Variants in PPP2R2B observed in about 807,000 individuals in gnomAD.
The protein encoded by PPP2R2B is serine/threonine-protein phosphatase 2A 55 kDa regulatory subunit B beta isoform.
In PPP2R2B, 5 loss-of-function variants were observed where a neutral mutation model predicts 46.0. The observed-to-expected ratio is 0.11, with a 90% CI of 0.06 to 0.23. The LOEUF is 0.23. Among genes scored for constraint, PPP2R2B ranks in the 10% least tolerant of loss-of-function variants. PPP2R2B has a pLI of 1.00. For synonymous variants in PPP2R2B, 215 were observed against 206.7 expected, an observed-to-expected ratio of 1.04 and a Z score of -0.34; for missense variants, 367 against 575.0, an observed-to-expected ratio of 0.64 and a Z score of 3.70.
At chr5:146,807,943 G>A (rs1757292163) in intron 2 of PPP2R2B, among the ~76,000 whole-genome samples, 1 of 151,620 alleles carries the variant, frequency 6.6e-6, no homozygotes, top group Non-Finnish European at 1.5e-5. Context: ...GAGATTACAT[G>A]TGCCTACCAC....
At chr5:146,834,036 A>G (rs249902) in intron 2 of PPP2R2B, among the ~76,000 whole-genome samples, 19,075 of 152,096 alleles carry the variant, frequency 0.13, 1,362 homozygotes, top group African/African-American at 0.19. Flanking sequence ...CTGCTTCTCC[A>G]ATTACATTAA....
chr5:146,666,084 G>A (rs1187047552), intron 5 of PPP2R2B, among the ~76,000 whole-genome samples: 1 of 152,210 alleles, frequency 6.6e-6, no homozygotes, highest in Non-Finnish European at 1.5e-5. Flanking sequence ...TAGAAACAAT[G>A]TGAATATCTA....
chr5:146,869,802 A>T (rs1273617965), intron 2 of PPP2R2B, among the ~76,000 whole-genome samples: 1 of 152,210 alleles, frequency 6.6e-6, no homozygotes, highest in Non-Finnish European at 1.5e-5. Context: ...GGAAATGTGA[A>T]TTATAATAAT....
intron 2 of PPP2R2B, among the ~76,000 whole-genome samples, chr5:146,714,104 G>T (rs1780352953): frequency 6.6e-6 from 1 of 151,778 alleles, no homozygotes; most frequent in Admixed American, 6.6e-5. Context: ...AAAATCCAGG[G>T]AAAAAAACAA....
At chr5:146,695,780 C>T (rs998035648) in intron 4 of PPP2R2B, among the ~76,000 whole-genome samples, 1 of 152,130 alleles carries the variant, frequency 6.6e-6, no homozygotes, top group East Asian at 1.9e-4. Flanking sequence ...TATCATCTAT[C>T]TTCATTTTCT....
At chr5:146,998,698 T>A (rs1459758259) in intron 1 of PPP2R2B, among the ~76,000 whole-genome samples, 1 of 152,160 alleles carries the variant, frequency 6.6e-6, no homozygotes, top group Non-Finnish European at 1.5e-5. Context: ...TTTTGAACTA[T>A]TTTTGTTTTA....
intron 2 of PPP2R2B, among the ~76,000 whole-genome samples, chr5:146,760,860 G>T (rs1323282029): frequency 2.0e-5 from 3 of 152,280 alleles, no homozygotes; most frequent in African/African-American, 7.2e-5. Context: ...CAAAGGATAT[G>T]AACAGACAGT....
At chr5:146,941,581 G>C (rs768287407) in intron 1 of PPP2R2B, among the ~76,000 whole-genome samples, 1 of 152,142 alleles carries the variant, frequency 6.6e-6, no homozygotes, top group Non-Finnish European at 1.5e-5. Flanking sequence ...TTAGGTTGGT[G>C]CAATTACTTT....
chr5:146,944,172 C>T (rs2151831101), intron 1 of PPP2R2B, among the ~76,000 whole-genome samples: 1 of 152,282 alleles, frequency 6.6e-6, no homozygotes, highest in African/African-American at 2.4e-5. Context: ...CATTACTGCT[C>T]CTAAGTGCAA....
At chr5:146,910,734 T>C (rs925529090) in intron 1 of PPP2R2B, among the ~76,000 whole-genome samples, 8 of 152,220 alleles carry the variant, frequency 5.3e-5, no homozygotes, top group Non-Finnish European at 1.2e-4. Context: ...ATGTTACCTA[T>C]AGTCTTTCAG....
At chr5:146,768,674 T>C (rs1754644665) in intron 2 of PPP2R2B, among the ~76,000 whole-genome samples, 1 of 152,188 alleles carries the variant, frequency 6.6e-6, no homozygotes, top group Admixed American at 6.6e-5. Context: ...CATCTGACGC[T>C]GGGCCCACAC....
chr5:146,715,276 T>C (rs943532927), intron 2 of PPP2R2B, among the ~76,000 whole-genome samples: 29 of 152,218 alleles, frequency 1.9e-4, no homozygotes, highest in African/African-American at 7.0e-4. Flanking sequence ...TGCACATTCC[T>C]TTCCTGCAGT....
intron 5 of PPP2R2B, among the ~76,000 whole-genome samples, chr5:146,687,736 G>A (rs1778599307): frequency 6.6e-6 from 1 of 152,126 alleles, no homozygotes; most frequent in African/African-American, 2.4e-5. Flanking sequence ...ATTTTGAAAG[G>A]CTATCTTCTA....
At chr5:146,661,241 C>T (rs1309784112) in intron 5 of PPP2R2B, among the ~76,000 whole-genome samples, 1 of 152,078 alleles carries the variant, frequency 6.6e-6, no homozygotes, top group Non-Finnish European at 1.5e-5. Context: ...AAGGTAGCTC[C>T]TCCTGAAACA....
At chr5:146,862,236 C>G (rs1309352502) in intron 2 of PPP2R2B, among the ~76,000 whole-genome samples, 1 of 152,178 alleles carries the variant, frequency 6.6e-6, no homozygotes, top group Non-Finnish European at 1.5e-5. Flanking sequence ...TAACTGGCTG[C>G]TCTCCTAACT....
chr5:146,878,751 T>TGCTGCTGCA lies in PPP2R2B; in HGVS notation c.-286_-285insTGCAGCAGC, dbSNP rs1762059232. The TGCTGCTGCA allele has an allele frequency of 7.5e-7, 1 of 1,335,918 alleles. No individual in the cohort carries two copies. The highest frequency in any genetic ancestry group is 9.9e-7 in the Non-Finnish European group (1 of 1,014,274). 82.8% of individuals were successfully genotyped at this position (1,335,918 alleles called of 1,614,324 possible). A position where few individuals can be genotyped will look rare whatever the true frequency, so the allele number is the denominator to read the frequency against. On this transcript the variant is annotated 5_prime_UTR_variant, in exon 1 of 10. Coordinates refer to ENST00000394411, the MANE Select transcript of PPP2R2B (RefSeq NM_181675.4). The surrounding 1 kb of genome is among the most constrained non-coding windows in gnomAD (Gnocchi z 4.5). Reference sequence around the variant, plus strand: ...CAGCTGCTGCTGCTGCTGCTGCTGCTGCTGCTGCAGGAGGCTGGAGGCGGC... The same window carrying TGCTGCTGCA: ...CAGCTGCTGCTGCTGCTGCTGCTGCTGCTGCTGCAGCTGCTGCAGGAGGCTGGAGGCGGC...
At position 146,691,016 on chromosome 5, in the gene PPP2R2B, A is replaced by G. The variant is rs904013618; in HGVS notation, c.447+112T>C. ...ACTGGGGTAGGCTGAGTCTCTGCCT[A>G]CGTTCCCTCACTGGCCCATTATAGT... On this transcript the variant is annotated intron_variant, in intron 5 of 9. Coordinates refer to ENST00000394411, the MANE Select transcript of PPP2R2B (RefSeq NM_181675.4). The G allele has an allele frequency of 6.0e-6, 5 of 829,664 alleles. No individual in the cohort carries two copies. The African/African-American group carries it at 8.5e-5, about 14-fold the overall frequency. 51.4% of individuals were successfully genotyped at this position (829,664 alleles called of 1,614,324 possible).
At chr5:146,944,299 T>C (rs1674908145) in intron 1 of PPP2R2B, among the ~76,000 whole-genome samples, 1 of 152,096 alleles carries the variant, frequency 6.6e-6, no homozygotes, top group South Asian at 2.1e-4. Context: ...GGAAACTATT[T>C]CATTAATTGA....
intron 5 of PPP2R2B, among the ~76,000 whole-genome samples, chr5:146,675,054 C>T (rs924119921): frequency 6.6e-6 from 1 of 152,164 alleles, no homozygotes; most frequent in Non-Finnish European, 1.5e-5. Flanking sequence ...CCTCCACCTC[C>T]TGGGTTCAAG....
Sources: gnomAD v4.1 joint callset for allele counts (sites outside exome capture counted in the v4.1 genomes callset) on GRCh38, gnomAD v4.1.1 for gene constraint, Gnocchi (gnomAD v3.1) non-coding constraint, MANE v1.5 for transcripts, NCBI Gene and HGNC (gene_info 2026-07-23, HGNC 2026-07-21) for gene names.